ADGRL2: variants seen among roughly 807,000 people sequenced by gnomAD.
The protein encoded by ADGRL2 is adhesion G protein-coupled receptor L2, also known as calcium-independent alpha-latrotoxin receptor 2.
Under a neutral mutation model 157.4 loss-of-function variants are expected in ADGRL2, and 44 were observed. The ratio of observed to expected loss-of-function variants is 0.28; its 90% CI spans 0.22 to 0.36. The LOEUF is 0.36. Ranked by LOEUF, ADGRL2 falls within the 10% of genes least tolerant of loss-of-function variation. The pLI, the probability that ADGRL2 is intolerant of heterozygous loss-of-function variation, is 1.00. For synonymous variants in ADGRL2, 585 were observed against 624.7 expected (o/e 0.94, Z 0.95); for missense variants, 1,510 against 1,768.9 (o/e 0.85, Z 2.63).
intron 2 of ADGRL2, among the ~76,000 whole-genome samples, chr1:81,842,123 AGG>A (rs903324491): frequency 9.2e-5 from 14 of 151,984 alleles, no homozygotes; most frequent in Admixed American, 3.3e-4. Context: ...CTATGTGCTT[AGG>A]GGTGGTTGTG....
At chr1:81,986,226 C>A (rs567237778) in intron 21 of ADGRL2, among the ~76,000 whole-genome samples, 1 of 152,092 alleles carries the variant, frequency 6.6e-6, no homozygotes, top group South Asian at 2.1e-4. Flanking sequence ...TTACTTCATT[C>A]TGTTGGCGAT....
intron 2 of ADGRL2, among the ~76,000 whole-genome samples, chr1:81,856,947 A>T (rs1321752310): frequency 6.6e-6 from 1 of 152,176 alleles, no homozygotes; most frequent in Non-Finnish European, 1.5e-5. Context: ...TTTGTTATAG[A>T]TACATAGAAA....
chr1:81,476,519 C>G (rs2078276484), intron 2 of ADGRL2, among the ~76,000 whole-genome samples: 1 of 152,146 alleles, frequency 6.6e-6, no homozygotes, highest in African/African-American at 2.4e-5. Flanking sequence ...TGTGCTTTTT[C>G]ACCTCAAGCC....
intron 11 of ADGRL2, among the ~76,000 whole-genome samples, chr1:81,962,678 A>G (rs1257177277): frequency 2.0e-5 from 3 of 151,540 alleles, no homozygotes; most frequent in Non-Finnish European, 4.4e-5. Flanking sequence ...ATTTATTTTT[A>G]ATTATGATAT....
At chr1:81,500,273 C>T (rs903490008) in intron 2 of ADGRL2, among the ~76,000 whole-genome samples, 2 of 152,078 alleles carry the variant, frequency 1.3e-5, no homozygotes, top group African/African-American at 4.8e-5. Context: ...AAAGGACTAC[C>T]GTATGATCTA....
intron 2 of ADGRL2, among the ~76,000 whole-genome samples, chr1:81,481,554 G>A (rs2078388203): frequency 6.6e-6 from 1 of 152,116 alleles, no homozygotes; most frequent in Admixed American, 6.5e-5. Context: ...TCCCTGATTT[G>A]GGGGAAGACC....
At chr1:81,691,278 G>T (rs548253327) in intron 3 of ADGRL2, among the ~76,000 whole-genome samples, 1 of 151,292 alleles carries the variant, frequency 6.6e-6, no homozygotes, top group African/African-American at 2.4e-5. Flanking sequence ...GTTATCTTTA[G>T]TTCTGGGACT....
At chr1:81,436,605 A>G (rs2077414262) in intron 1 of ADGRL2, among the ~76,000 whole-genome samples, 1 of 152,200 alleles carries the variant, frequency 6.6e-6, no homozygotes, top group Non-Finnish European at 1.5e-5. Context: ...CTGCATAAAG[A>G]ACCAATATGG....
At position 81,516,916 on chromosome 1, in the gene ADGRL2, C is replaced by T. The variant is rs1214267009; in HGVS notation, c.-247-63960C>T. On this transcript the variant is annotated intron_variant, in intron 2 of 24. Transcript: ENST00000370721. ...TGTTCTACATGCCATCTCGGTGGCGCAGACACACTAACTTGCATACAGTGG... is the reference window on the plus strand; with the variant it reads ...TGTTCTACATGCCATCTCGGTGGCGTAGACACACTAACTTGCATACAGTGG... 3.5e-5 allele frequency among the ~76,000 whole-genome samples: 5 copies of T among 144,828 alleles called. No homozygotes were observed. The South Asian group carries it at 7.0e-4, about 20-fold the overall frequency.
At chr1:81,950,921 A>C (rs1651574118) in intron 7 of ADGRL2, 97 bp from the exon 8 acceptor site, 1 of 774,768 alleles carries the variant, frequency 1.3e-6, no homozygotes, top group African/African-American at 1.7e-5. Flanking sequence ...GAGTTTATTC[A>C]AAATTTAACA....
chr1:81,368,081 C>T (rs1157099468), intron 1 of ADGRL2, among the ~76,000 whole-genome samples: 2 of 152,076 alleles, frequency 1.3e-5, no homozygotes, highest in East Asian at 3.9e-4. Context: ...TTTCTGCTTC[C>T]AGATCTTTGA....
chr1:81,711,558 A>G (rs1453857380), intron 1 of ADGRL2, among the ~76,000 whole-genome samples: 1 of 152,090 alleles, frequency 6.6e-6, no homozygotes, highest in African/African-American at 2.4e-5. Flanking sequence ...CATACTTAAA[A>G]TTGGTATTTT....
chr1:81,902,762 A>G (rs2094511069), intron 2 of ADGRL2, among the ~76,000 whole-genome samples: 1 of 152,306 alleles, frequency 6.6e-6, no homozygotes, highest in African/African-American at 2.4e-5. Context: ...GAACTTTTCC[A>G]TAATTGATTC....
At chr1:81,659,478 G>A (rs1046437471) in intron 3 of ADGRL2, among the ~76,000 whole-genome samples, 2 of 152,180 alleles carry the variant, frequency 1.3e-5, no homozygotes, top group Non-Finnish European at 2.9e-5. Context: ...AGAAAGTTTA[G>A]TATAAGGCTT....
At chr1:81,685,069 G>A (rs930446427) in intron 3 of ADGRL2, among the ~76,000 whole-genome samples, 2 of 152,192 alleles carry the variant, frequency 1.3e-5, no homozygotes, top group Non-Finnish European at 2.9e-5. Context: ...CAGGTTGTGT[G>A]ATGCCTCCTG....
chr1:81,882,196 G>A (rs879596802), intron 2 of ADGRL2, among the ~76,000 whole-genome samples: 6 of 152,080 alleles, frequency 3.9e-5, no homozygotes, highest in African/African-American at 1.4e-4. Context: ...TGTTACAGAT[G>A]TGTTTTTTTT....
intron 3 of ADGRL2, among the ~76,000 whole-genome samples, chr1:81,933,094 T>G (rs2095258465): frequency 6.6e-6 from 1 of 152,184 alleles, no homozygotes; most frequent in Non-Finnish European, 1.5e-5. Context: ...CTATCTTAAG[T>G]CATCTGTTCA....
At chr1:81,915,900 C>T (rs921373064) in intron 3 of ADGRL2, among the ~76,000 whole-genome samples, 4 of 152,090 alleles carry the variant, frequency 2.6e-5, no homozygotes, top group Non-Finnish European at 2.9e-5. Flanking sequence ...ATGTATTCCA[C>T]CTTTCTCATT....
chr1:81,573,424 C>G (rs906515794), intron 2 of ADGRL2, among the ~76,000 whole-genome samples: 76 of 152,058 alleles, frequency 5.0e-4, no homozygotes, highest in African/African-American at 1.8e-3. Flanking sequence ...CTTCCTCTCC[C>G]TTTTACTTAA....
Sources: allele counts gnomAD v4.1 joint callset (sites outside exome capture counted in the v4.1 genomes callset), GRCh38; gene constraint gnomAD v4.1.1; transcripts MANE v1.5; gene names NCBI Gene and HGNC (gene_info 2026-07-23, HGNC 2026-07-21).